Variants in LMF1 observed in about 807,000 individuals in gnomAD.
LMF1 encodes the protein transmembrane protein 112.
LMF1 carries 68 observed loss-of-function variants against 60.6 expected under a neutral mutation model. That is an observed-to-expected ratio of 1.12 (90% CI 0.92 to 1.37). LMF1 has a LOEUF of 1.37. LMF1 is among the 40% of genes most tolerant of loss of function. The pLI is 0.00. For missense variants in LMF1, 948 were observed against 767.2 expected (o/e 1.24, Z -2.78); for synonymous variants, 418 against 324.7 (o/e 1.29, Z -3.09).
At chr16:871,602 T>G in intron 6 of LMF1, 1 of 490,394 alleles carries the variant, frequency 2.0e-6, no homozygotes, top group South Asian at 3.0e-5. Context: ...TTCTGTCCCT[T>G]GCTTTAGTGA....
At chr16:931,139 G>C (rs1194942656) in intron 3 of LMF1, among the ~76,000 whole-genome samples, 2 of 152,190 alleles carry the variant, frequency 1.3e-5, no homozygotes, top group Non-Finnish European at 2.9e-5. Flanking sequence ...AAAAGGTCTG[G>C]GACCGCCCAG....
At chr16:902,806 T>C (rs375930650) in intron 4 of LMF1, among the ~76,000 whole-genome samples, 6,382 of 73,086 alleles carry the variant, frequency 0.087, 794 homozygotes, top group African/African-American at 0.22. Context: ...TGTGTGGTGG[T>C]GACCTCTGCA....
intron 4 of LMF1, among the ~76,000 whole-genome samples, chr16:904,765 C>T (rs591828): frequency 1.2e-3 from 26 of 22,146 alleles, no homozygotes; most frequent in Admixed American, 1.2e-3. Flanking sequence ...ACCTCTGCAC[C>T]GCCCACAGGA....
intron 5 of LMF1, among the ~76,000 whole-genome samples, chr16:891,126 G>A (rs117764744): frequency 0.031 from 4,701 of 152,350 alleles, 100 homozygotes; most frequent in Middle Eastern, 0.071. Context: ...AGCTGGCCAC[G>A]TGGACACAGG....
At chr16:920,615 C>A (rs1596996385) in intron 3 of LMF1, among the ~76,000 whole-genome samples, 1 of 152,310 alleles carries the variant, frequency 6.6e-6, no homozygotes, top group East Asian at 1.9e-4. Context: ...TCGTGGAAGG[C>A]AGGGAGAGGC....
Position 854,355 on chromosome 16 carries a change from G to A in LMF1, c.*177C>T. Reference sequence around the variant, plus strand: ...GGCCCCAGGTGGGCAGGGCCTGGGAGCCGCCACAGTATGTGACAACAGACC... The same window carrying A: ...GGCCCCAGGTGGGCAGGGCCTGGGAACCGCCACAGTATGTGACAACAGACC... On this transcript the variant is annotated 3_prime_UTR_variant, in exon 11 of 11. Transcript: ENST00000262301. 1 of 762,752 alleles carries A rather than the reference G, an allele frequency of 1.3e-6. No individual in the cohort carries two copies. Among genetic ancestry groups the A allele is most frequent in the Admixed American group, 2.0e-5 (1 of 49,594 alleles). 47.2% of individuals were successfully genotyped at this position (762,752 alleles called of 1,614,324 possible).
chr16:939,153 C>T (rs1028710987), intron 2 of LMF1, among the ~76,000 whole-genome samples: 23 of 152,170 alleles, frequency 1.5e-4, no homozygotes, highest in Non-Finnish European at 1.6e-4. Context: ...AATAACTTGG[C>T]AGAGAAATGC....
In LMF1 at chr16:970,821, T is replaced by C; in HGVS notation, c.160A>G (p.Ile54Val). The C allele has an allele frequency of 6.5e-7, 1 of 1,545,150 alleles. No individual in the cohort carries two copies. Among genetic ancestry groups the C allele is most frequent in the Non-Finnish European group, 8.7e-7 (1 of 1,145,474 alleles). ...AAGGCTAGGGCCTTCAGGAGCACGA[T>C]CCGGGTCAGCCAGAAGGTGCCCGTG... ...LHTGTFWLTR[I>V]VLLKALAFVY... Residue 54 changes from isoleucine to valine, a missense_variant, in exon 1 of 11, where the codon ATC (isoleucine) becomes GTC (valine). Transcript: ENST00000262301.
At chr16:856,101 G>T (rs928827008) in intron 10 of LMF1, 1 of 380,594 alleles carries the variant, frequency 2.6e-6, no homozygotes, top group South Asian at 2.0e-5. Context: ...GTGGGGTCGG[G>T]CCTTTGGAAA....
At chr16:977,812 C>A (rs1363622094) in intron 1 of LMF1, among the ~76,000 whole-genome samples, 1 of 151,874 alleles carries the variant, frequency 6.6e-6, no homozygotes, top group Non-Finnish European at 1.5e-5. Flanking sequence ...GCCCTGGGCC[C>A]AACACACACC....
chr16:979,877 T>C (rs1195833278), intron 1 of LMF1: 3 of 406,586 alleles, frequency 7.4e-6, no homozygotes, highest in Non-Finnish European at 1.5e-5. Flanking sequence ...ACAGATGAGT[T>C]CCGCGGGCGC....
At position 853,867 on chromosome 16, in the gene LMF1, G is replaced by A. The variant is rs1278809122; in HGVS notation, c.*665C>T. 1 of 454,126 alleles carries A rather than the reference G, an allele frequency of 2.2e-6. No homozygotes were observed. Among genetic ancestry groups the A allele is most frequent in the Admixed American group, 2.3e-5 (1 of 42,582 alleles). 28.1% of individuals were successfully genotyped at this position (454,126 alleles called of 1,614,324 possible). A position where few individuals can be genotyped will look rare whatever the true frequency, so the allele number is the denominator to read the frequency against. On this transcript the variant is annotated 3_prime_UTR_variant, in exon 11 of 11. Coordinates refer to ENST00000262301, the MANE Select transcript of LMF1 (RefSeq NM_022773.4). ...GCGCTGTGTCCATCTGCACCTCACA[G>A]ACACCAGTCATGGGGGGATGAAACC... is the stretch of plus-strand genomic sequence containing the variant.
intron 3 of LMF1, 74 bp downstream of exon 3, chr16:934,170 A>G: frequency 6.3e-7 from 1 of 1,598,352 alleles, no homozygotes; most frequent in Admixed American, 1.7e-5. Flanking sequence ...AGGCCAGGAA[A>G]AGTGCGTGAA....
rs751571016 is a variant in LMF1, at chr16:870,751, TGAC to T, written c.1207_1209del (p.Val403del). ...TACCTTCCGAAGGCCCCGTAAGTGT[TGAC>T]GATGTGAAGAGAGTTGAAGTGGGTG... On this transcript the variant is annotated inframe_deletion, in exon 8 of 11. Coordinates refer to ENST00000262301, the MANE Select transcript of LMF1 (RefSeq NM_022773.4). The T allele has an allele frequency of 2.5e-6, 4 of 1,612,968 alleles. No individual in the cohort carries two copies. The highest frequency in any genetic ancestry group is 1.7e-4 in the Middle Eastern group (1 of 6,060).
intron 6 of LMF1, chr16:873,610 GACA>G (rs2069875451): frequency 2.5e-5 from 1 of 39,328 alleles, no homozygotes; most frequent in Non-Finnish European, 6.0e-5. Flanking sequence ...CTCCGCCGAG[GACA>G]TGCCTGTTCG....
chr16:978,353 C>G (rs1026175762), intron 1 of LMF1, among the ~76,000 whole-genome samples: 2 of 151,230 alleles, frequency 1.3e-5, no homozygotes, highest in African/African-American at 4.9e-5. Flanking sequence ...CAAACACACA[C>G]CACACACACA....
At chr16:964,410 T>C (rs936266597) in intron 1 of LMF1, among the ~76,000 whole-genome samples, 11 of 152,206 alleles carry the variant, frequency 7.2e-5, no homozygotes, top group African/African-American at 2.7e-4. Context: ...TCTCTGTTGA[T>C]GGTTCTTACT....
intron 1 of LMF1, among the ~76,000 whole-genome samples, chr16:965,162 C>G (rs1397302515): frequency 6.6e-6 from 1 of 152,258 alleles, no homozygotes; most frequent in East Asian, 1.9e-4. Context: ...GGATCACAGC[C>G]AAGCGGTGGG....
chr16:893,709 G>T (rs1481778346), intron 4 of LMF1, among the ~76,000 whole-genome samples: 1 of 152,086 alleles, frequency 6.6e-6, no homozygotes, highest in Non-Finnish European at 1.5e-5. Flanking sequence ...CAGGGCCACA[G>T]TGAAGCATCT....
Sources: allele counts gnomAD v4.1 joint callset (sites outside exome capture counted in the v4.1 genomes callset), GRCh38; gene constraint gnomAD v4.1.1; transcripts MANE v1.5; gene names NCBI Gene and HGNC (gene_info 2026-07-23, HGNC 2026-07-21).